Variants in ZBTB25 observed in about 807,000 individuals in gnomAD.
ZBTB25 encodes zinc finger and BTB domain-containing protein 25.
In ZBTB25, 20 loss-of-function variants were observed where a neutral mutation model predicts 34.2. That is an observed-to-expected ratio of 0.58 (90% CI 0.41 to 0.85). ZBTB25 has a LOEUF of 0.85. Ranked by LOEUF, ZBTB25 falls within the 40% of genes least tolerant of loss-of-function variation. The pLI is 0.00. For synonymous variants in ZBTB25, 175 were observed against 186.4 expected, an observed-to-expected ratio of 0.94 and a Z score of 0.50; for missense variants, 437 against 521.8, an observed-to-expected ratio of 0.84 and a Z score of 1.58.
chr14:64,492,430 C>T (rs963487403), intron 1 of ZBTB25, among the ~76,000 whole-genome samples: 2 of 152,028 alleles, frequency 1.3e-5, no homozygotes, highest in African/African-American at 2.4e-5. Flanking sequence ...TGGTCTCAAA[C>T]TCCTGACCTC....
chr14:64,461,919 G>A (rs2078561039), intron 2 of ZBTB25: 1 of 152,162 alleles, frequency 6.6e-6, no homozygotes, highest in Non-Finnish European at 1.5e-5. Flanking sequence ...ATTTCTTAAT[G>A]TCCTGTGAAA....
chr14:64,468,449 G>T, intron 2 of ZBTB25: 1 of 1,613,972 alleles, frequency 6.2e-7, no homozygotes, highest in Non-Finnish European at 8.5e-7. Context: ...GAAGAGATCA[G>T]CAGAAGGTAG....
intron 2 of ZBTB25, chr14:64,469,481 T>C: frequency 6.2e-7 from 1 of 1,613,274 alleles, no homozygotes; most frequent in Admixed American, 1.7e-5. Flanking sequence ...TAAGCAATTC[T>C]TAATTTCAGC....
chr14:64,503,856 TGTGC>T (rs527921312), upstream of ZBTB25: 137 of 152,482 alleles, frequency 9.0e-4, 1 homozygote, highest in Middle Eastern at 3.4e-3. Flanking sequence ...AGGGCCGGGG[TGTGC>T]GTGCGTGCGT....
At chr14:64,464,778 A>G (rs1048233502) in intron 2 of ZBTB25, among the ~76,000 whole-genome samples, 1 of 152,184 alleles carries the variant, frequency 6.6e-6, no homozygotes, top group Non-Finnish European at 1.5e-5. Flanking sequence ...AGCTACCTCA[A>G]CTTATTTTTG....
At chr14:64,454,976 G>A (rs2078445497) in intron 2 of ZBTB25, 1 of 1,236,366 alleles carries the variant, frequency 8.1e-7, no homozygotes, top group South Asian at 1.2e-5. Context: ...AGAGTTCACT[G>A]CCCAGAAGAA....
chr14:64,485,052 T>C lies in ZBTB25; in HGVS notation c.*1871A>G. 1 of 985,476 alleles carries C rather than the reference T, an allele frequency of 1.0e-6. No homozygotes were observed. Among genetic ancestry groups the C allele is most frequent in the Non-Finnish European group, 1.2e-6 (1 of 829,936 alleles). 61.0% of individuals were successfully genotyped at this position (985,476 alleles called of 1,614,324 possible). A position where few individuals can be genotyped will look rare whatever the true frequency, so the allele number is the denominator to read the frequency against. On this transcript the variant is annotated 3_prime_UTR_variant, in exon 3 of 3. Coordinates refer to ENST00000608382, the MANE Select transcript of ZBTB25 (RefSeq NM_006977.5). ...TTAACCATAGGAGCCTTTACTCACT[T>C]GTTTAAGGCAGAAACTCAACTGCCT...
rs1191268518 is a variant in ZBTB25 at position 64,487,199 on chromosome 14, T to C, written c.1032A>G (p.Ser344=). ...TGGTACAGCTCATTTTTCTTTTCCT[T>C]GAAAAAGAAAAATTACAGTTTAATT... ...PVELNCNFSF[S]RKRKMSCTIC... The change falls in exon 3 of 3, where the codon TCA becomes TCG. Residue 344 remains serine, a synonymous_variant. Transcript: ENST00000608382. 3 of 1,613,880 alleles carry C rather than the reference T, an allele frequency of 1.9e-6. No individual in the cohort carries two copies. The African/African-American group carries it at 4.0e-5, about 22-fold the overall frequency.
At chr14:64,449,768 C>A in intron 2 of ZBTB25, 1 of 894,538 alleles carries the variant, frequency 1.1e-6, no homozygotes, top group Non-Finnish European at 1.8e-6. Context: ...ACAACCACAG[C>A]CTGGACTCCC....
rs2078781141 is a variant in ZBTB25, at chr14:64,480,845, T to A, written c.*6078A>T. 2.0e-5 allele frequency: 3 copies of A among 152,146 alleles called. No individual in the cohort carries two copies. The highest frequency in any genetic ancestry group is 4.4e-5 in the Non-Finnish European group (3 of 68,090). 9.4% of individuals were successfully genotyped at this position (152,146 alleles called of 1,614,324 possible). On this transcript the variant is annotated 3_prime_UTR_variant, in exon 3 of 3. Transcript: ENST00000608382. Reference sequence around the variant, plus strand: ...TTACTAGAGACAGGGTTTCACCATGTTGTCCAGGATGGTCTCGATCTCCTA... The same window carrying A: ...TTACTAGAGACAGGGTTTCACCATGATGTCCAGGATGGTCTCGATCTCCTA...
chr14:64,475,167 C>A (rs1051011111), downstream of ZBTB25, among the ~76,000 whole-genome samples: 2 of 152,088 alleles, frequency 1.3e-5, no homozygotes, highest in Non-Finnish European at 2.9e-5. Context: ...TGGCCGGGCG[C>A]GGTGGCTCAC....
chr14:64,469,321 T>G (rs749288321), intron 2 of ZBTB25: 5 of 1,613,438 alleles, frequency 3.1e-6, no homozygotes, highest in Admixed American at 1.7e-5. Context: ...CAAAAGATAC[T>G]GAATTGAGCC....
At chr14:64,468,457 T>C (rs1404329712) in intron 2 of ZBTB25, 1 of 1,613,884 alleles carries the variant, frequency 6.2e-7, no homozygotes, top group Non-Finnish European at 8.5e-7. Context: ...CAGCAGAAGG[T>C]AGTCCTGGGG....
At chr14:64,491,427 CT>C (rs2141032804) in intron 1 of ZBTB25, among the ~76,000 whole-genome samples, 1 of 152,288 alleles carries the variant, frequency 6.6e-6, no homozygotes, top group African/African-American at 2.4e-5. Flanking sequence ...GATCACACCA[CT>C]GCACTCCAGC....
chr14:64,504,891 G>C (rs1187281914), upstream of ZBTB25: 13 of 396,710 alleles, frequency 3.3e-5, no homozygotes, highest in Non-Finnish European at 4.9e-5. Context: ...CTTTCCCGCG[G>C]CTGATTTGCC....
At chr14:64,469,721 G>C in intron 2 of ZBTB25, 19,229 of 1,023,084 alleles carry the variant, frequency 0.019, no homozygotes, top group Non-Finnish European at 0.025. Context: ...GCTTAATGAA[G>C]AATTCTTTTA....
At chr14:64,471,848 G>C (rs116812202) in intron 2 of ZBTB25, 1 of 167,050 alleles carries the variant, frequency 6.0e-6, no homozygotes, top group African/African-American at 2.4e-5. Flanking sequence ...GAAAGTATTT[G>C]CTACTTTGTC....
chr14:64,493,915 G>C (rs2079175726), intron 1 of ZBTB25, among the ~76,000 whole-genome samples: 1 of 152,084 alleles, frequency 6.6e-6, no homozygotes, highest in South Asian at 2.1e-4. Context: ...TGTCTACCAG[G>C]TATCTAAGTA....
Position 64,449,744 on chromosome 14 carries a change from C to T in ZBTB25, c.174-106G>A, listed in dbSNP as rs570528572. 4.1e-4 allele frequency: 476 copies of T among 1,161,712 alleles called. 3 individuals are homozygous for T. The highest frequency in any genetic ancestry group is 2.3e-3 in the South Asian group (179 of 76,378). The allele number at this position is 1,161,712 out of a possible 1,614,324, so 72.0% of individuals were successfully genotyped here. ...CTTCAGCCTTGCGGTTTGATTCCCACGTAGGTGACTTACACAACCACAGCC... is the reference window on the plus strand; with the variant it reads ...CTTCAGCCTTGCGGTTTGATTCCCATGTAGGTGACTTACACAACCACAGCC... On this transcript the variant is annotated intron_variant, in intron 2 of 2. Coordinates refer to the ZBTB25 transcript ENST00000555220.
Sources: gnomAD v4.1 joint callset for allele counts (sites outside exome capture counted in the v4.1 genomes callset) on GRCh38, gnomAD v4.1.1 for gene constraint, MANE v1.5 for transcripts, NCBI Gene and HGNC (gene_info 2026-07-23, HGNC 2026-07-21) for gene names.